The following XPR1 variants were observed in gnomAD, a reference collection of about 807,000 sequenced individuals.
XPR1 encodes solute carrier family 53 member 1.
In XPR1, 28 loss-of-function variants were observed where a neutral mutation model predicts 87.5. The observed-to-expected ratio is 0.32, with a 90% CI of 0.24 to 0.44. XPR1 has a LOEUF of 0.44. Ranked by LOEUF, XPR1 falls within the 20% of genes least tolerant of loss-of-function variation. The pLI is 1.00. For missense variants in XPR1, 559 were observed against 862.3 expected (o/e 0.65, Z 4.41); for synonymous variants, 300 against 306.1 (o/e 0.98, Z 0.21).
At chr1:180,734,001 A>T (rs1478866760) in intron 2 of XPR1, among the ~76,000 whole-genome samples, 1 of 152,178 alleles carries the variant, frequency 6.6e-6, no homozygotes, top group African/African-American at 2.4e-5. Flanking sequence ...GGTTTTACTG[A>T]TGAGAGAAAC....
chr1:180,762,129 G>C (rs199795304), intron 2 of XPR1, among the ~76,000 whole-genome samples: 1 of 132,948 alleles, frequency 7.5e-6, no homozygotes, highest in African/African-American at 2.7e-5. Context: ...TGTGGGGTCG[G>C]GGGAGGGGGG....
chr1:180,755,418 T>C (rs1238993112), intron 2 of XPR1, among the ~76,000 whole-genome samples: 1 of 152,236 alleles, frequency 6.6e-6, no homozygotes, highest in Non-Finnish European at 1.5e-5. Flanking sequence ...ATACTGTATG[T>C]AGCTGAACCG....
rs982857902 is a variant in XPR1, at chr1:180,713,220, C to T, written c.121+30809C>T. ...TCCACATCTTTAATCAGATTTATTT[C>T]TAAGTATTCAATTTTTTTTGATGCT... On this transcript the variant is annotated intron_variant, in intron 2 of 14. Coordinates refer to ENST00000367590, the MANE Select transcript of XPR1 (RefSeq NM_004736.4). 2.6e-5 allele frequency among the ~76,000 whole-genome samples: 4 copies of T among 152,002 alleles called. No individual in the cohort carries two copies. In the East Asian group the frequency reaches 7.7e-4, roughly 29 times the overall value.
intron 2 of XPR1, among the ~76,000 whole-genome samples, chr1:180,772,516 A>G (rs1648555657): frequency 6.6e-6 from 1 of 152,122 alleles, no homozygotes; most frequent in Admixed American, 6.6e-5. Flanking sequence ...TGAACTTTGT[A>G]TACACACTGA....
chr1:180,660,248 C>CT (rs1473309538), intron 1 of XPR1, among the ~76,000 whole-genome samples: 1 of 151,906 alleles, frequency 6.6e-6, no homozygotes, highest in African/African-American at 2.4e-5. Context: ...TTATTTGGAT[C>CT]TTCTCTTTTT....
chr1:180,840,208 C>T (rs1009244091), intron 11 of XPR1, among the ~76,000 whole-genome samples: 16 of 114,940 alleles, frequency 1.4e-4, no homozygotes, highest in Admixed American at 1.3e-3. Context: ...CCGGCCTGGG[C>T]GACAGAGCGA....
intron 1 of XPR1, among the ~76,000 whole-genome samples, chr1:180,673,831 A>G (rs149773907): frequency 6.6e-6 from 1 of 152,338 alleles, no homozygotes; most frequent in African/African-American, 2.4e-5. Flanking sequence ...ATGACCATTT[A>G]ATAAACCAGT....
intron 2 of XPR1, among the ~76,000 whole-genome samples, chr1:180,712,989 A>G (rs1657857833): frequency 9.6e-6 from 1 of 104,426 alleles, no homozygotes; most frequent in Non-Finnish European, 2.0e-5. Flanking sequence ...GGTCCTTTGC[A>G]TTTTCTTATG....
chr1:180,670,110 A>G (rs923215272), intron 1 of XPR1, among the ~76,000 whole-genome samples: 1 of 151,882 alleles, frequency 6.6e-6, no homozygotes, highest in Admixed American at 6.6e-5. Flanking sequence ...TTTCACTTTC[A>G]ATTTGTTTGT....
intron 1 of XPR1, among the ~76,000 whole-genome samples, chr1:180,676,192 A>G (rs887267969): frequency 2.0e-5 from 3 of 152,210 alleles, no homozygotes; most frequent in African/African-American, 7.2e-5. Flanking sequence ...TTTGTTAATC[A>G]TCTTTAAAGT....
At chr1:180,740,348 A>C (rs769640548) in intron 2 of XPR1, among the ~76,000 whole-genome samples, 1 of 151,328 alleles carries the variant, frequency 6.6e-6, no homozygotes, top group Non-Finnish European at 1.5e-5. Context: ...TCCTATTTCT[A>C]GTTTGCTGAG....
chr1:180,683,234 C>T (rs142896195), intron 2 of XPR1, among the ~76,000 whole-genome samples: 1 of 151,294 alleles, frequency 6.6e-6, no homozygotes, highest in Non-Finnish European at 1.5e-5. Flanking sequence ...TTTGTCCTTG[C>T]GATAGTTTGC....
In XPR1 at chr1:180,888,670, A is replaced by G. The variant is rs1653092762; in HGVS notation, c.*4604A>G. On this transcript the variant is annotated 3_prime_UTR_variant, in exon 15 of 15. Transcript: ENST00000367590. ...TAAATTTTTCTTGCTTGTGATCATTAGCTAAGACAAGGAGTGTTAAAGGTT... is the reference window on the plus strand; with the variant it reads ...TAAATTTTTCTTGCTTGTGATCATTGGCTAAGACAAGGAGTGTTAAAGGTT... The G allele has an allele frequency of 7.5e-6, 1 of 132,944 alleles. No individual in the cohort carries two copies. The highest frequency in any genetic ancestry group is 1.8e-5 in the Non-Finnish European group (1 of 56,696). The allele number at this position is 132,944 out of a possible 1,614,324, so 8.2% of individuals were successfully genotyped here.
chr1:180,757,062 G>T lies in XPR1; in HGVS notation c.122-30691G>T, dbSNP rs192745142. ...GCTATCATGATATTATAGCTTTATG[G>T]TAAGTTTTAAAATCAGGAAGTATTA... On this transcript the variant is annotated intron_variant, in intron 2 of 14. Coordinates refer to ENST00000367590, the MANE Select transcript of XPR1 (RefSeq NM_004736.4). 2.0e-3 allele frequency among the ~76,000 whole-genome samples: 307 copies of T among 152,208 alleles called. 2 individuals carry two copies. The highest frequency in any genetic ancestry group is 7.2e-3 in the African/African-American group (297 of 41,522).
At chr1:180,682,916 A>G (rs76219649) in intron 2 of XPR1, among the ~76,000 whole-genome samples, 5,259 of 151,870 alleles carry the variant, frequency 0.035, 117 homozygotes, top group Non-Finnish European at 0.054. Context: ...TAATTCAACA[A>G]CTATTCTTGA....
At chr1:180,786,918 T>TA (rs1649163325) in intron 2 of XPR1, among the ~76,000 whole-genome samples, 1 of 152,206 alleles carries the variant, frequency 6.6e-6, no homozygotes, top group Non-Finnish European at 1.5e-5. Flanking sequence ...ACTTGTAATT[T>TA]ACACTCTTCA....
intron 9 of XPR1, among the ~76,000 whole-genome samples, chr1:180,833,780 TC>T (rs1651164811): frequency 6.6e-6 from 1 of 152,234 alleles, no homozygotes; most frequent in Non-Finnish European, 1.5e-5. Context: ...AATATTTCTC[TC>T]CAAATCCAAA....
At chr1:180,785,971 G>C (rs937347403) in intron 2 of XPR1, among the ~76,000 whole-genome samples, 1 of 149,522 alleles carries the variant, frequency 6.7e-6, no homozygotes, top group Non-Finnish European at 1.5e-5. Flanking sequence ...AAGGGAAAAA[G>C]AAAAAGAGAA....
chr1:180,685,809 T>C (rs2101949646), intron 2 of XPR1, among the ~76,000 whole-genome samples: 1 of 152,360 alleles, frequency 6.6e-6, no homozygotes, highest in East Asian at 1.9e-4. Context: ...TGGTAGTTTG[T>C]ATTTCTGTGG....
Sources: gnomAD v4.1 joint callset for allele counts (sites outside exome capture counted in the v4.1 genomes callset) on GRCh38, gnomAD v4.1.1 for gene constraint, MANE v1.5 for transcripts, NCBI Gene and HGNC (gene_info 2026-07-23, HGNC 2026-07-21) for gene names.